INVS: variants seen among roughly 807,000 people sequenced by gnomAD.
The protein encoded by INVS is inversion of embryo turning homolog.
Under a neutral mutation model 108.8 loss-of-function variants are expected in INVS, and 86 were observed. That is an observed-to-expected ratio of 0.79 (90% CI 0.66 to 0.95). The LOEUF (loss-of-function observed/expected upper bound fraction) is 0.95. INVS is among the 40% of genes least tolerant of loss of function. The pLI is 0.00. For synonymous variants in INVS, 455 were observed against 473.5 expected, an observed-to-expected ratio of 0.96 and a Z score of 0.51; for missense variants, 1,169 against 1,297.4, an observed-to-expected ratio of 0.90 and a Z score of 1.52.
chr9:100,296,796 C>A, intron 14 of INVS, 121 bp from the exon 15 acceptor site: 1 of 784,208 alleles, frequency 1.3e-6, no homozygotes, highest in Non-Finnish European at 2.2e-6. Flanking sequence ...GGAATGGGAG[C>A]TTGAATGAAC....
chr9:100,215,933 A>G (rs1414416598), intron 3 of INVS, among the ~76,000 whole-genome samples: 1 of 152,152 alleles, frequency 6.6e-6, no homozygotes, highest in East Asian at 1.9e-4. Flanking sequence ...TGAAAAACAT[A>G]CCTTTTACTT....
chr9:100,101,098 C>T (rs80009714), intron 1 of INVS, among the ~76,000 whole-genome samples: 1,559 of 128,842 alleles, frequency 0.012, 31 homozygotes, highest in African/African-American at 0.045. Flanking sequence ...ATATATAAAA[C>T]AGAGATCACA....
At chr9:100,182,558 C>G (rs1829923839) in intron 3 of INVS, among the ~76,000 whole-genome samples, 1 of 152,108 alleles carries the variant, frequency 6.6e-6, no homozygotes, top group African/African-American at 2.4e-5. Context: ...TAGAGAAATG[C>G]AAATTAAAAC....
rs143388166 is a variant in INVS at position 100,285,431 on chromosome 9, T to A, written c.2068+828T>A. ...CATGGCTTTTTGCAGTTTATCCTATTTAGAGTTTACTTGTGTGTCAGGGAT... is the reference window on the plus strand; with the variant it reads ...CATGGCTTTTTGCAGTTTATCCTATATAGAGTTTACTTGTGTGTCAGGGAT... On this transcript the variant is annotated intron_variant, in intron 13 of 16. Transcript: ENST00000262457. Among the ~76,000 whole-genome samples the A allele has an allele frequency of 7.2e-5, 11 of 152,322 alleles. No homozygotes were observed. The East Asian group carries it at 1.3e-3, about 19-fold the overall frequency.
rs146393595 is a variant in INVS at position 100,276,277 on chromosome 9, T to A, written c.1784+3201T>A. 4.7e-4 allele frequency among the ~76,000 whole-genome samples: 71 copies of A among 152,358 alleles called. 1 individual carries two copies. In the East Asian group the frequency reaches 0.012, roughly 25 times the overall value. On this transcript the variant is annotated intron_variant, in intron 12 of 16. Transcript: ENST00000262457. ...ACTGGGCATTTCTGCTATGCTTTTG[T>A]CACTTGCCAACACTTTAGATCATTG... is the stretch of plus-strand genomic sequence containing the variant.
At chr9:100,291,082 T>C (rs1206706223) in intron 13 of INVS, among the ~76,000 whole-genome samples, 1 of 151,536 alleles carries the variant, frequency 6.6e-6, no homozygotes, top group Non-Finnish European at 1.5e-5. Context: ...TTTTTTTTTT[T>C]TCAGACGGAG....
At chr9:100,141,865 T>C (rs956552401) in intron 3 of INVS, among the ~76,000 whole-genome samples, 3 of 152,154 alleles carry the variant, frequency 2.0e-5, no homozygotes, top group African/African-American at 7.2e-5. Context: ...GGTTATGAAA[T>C]GACGACAGAA....
At position 100,292,816 on chromosome 9, in the gene INVS, G is replaced by A; in HGVS notation, c.2559G>A (p.Glu853=). 1.2e-6 allele frequency: 2 copies of A among 1,614,146 alleles called. No individual in the cohort carries two copies. The highest frequency in any genetic ancestry group is 8.5e-7 in the Non-Finnish European group (1 of 1,180,024). ...GLYSHLPQST[E]ELRSGARRLE... is the part of the protein sequence containing the mutation. ...ATTCACATTTGCCACAGAGCACAGA[G>A]GAGTTGAGGTCAGGAGCTAGGAGGC... Residue 853 remains glutamate (E), a synonymous_variant, in exon 14 of 17, where the codon GAG becomes GAA. Transcript: ENST00000262457.
intron 3 of INVS, among the ~76,000 whole-genome samples, chr9:100,133,806 T>G (rs201933221): frequency 4.5e-5 from 3 of 66,692 alleles, no homozygotes; most frequent in Non-Finnish European, 6.5e-5. Flanking sequence ...CACACACACA[T>G]ACACACATCC....
rs1289228389 is a variant in INVS at position 100,229,758 on chromosome 9, C to G, written c.546C>G (p.Gly182=). The change falls in exon 5 of 17, where the codon GGC becomes GGG. Residue 182 remains glycine (G), a synonymous_variant. Transcript: ENST00000262457. The stretch of plus-strand genomic sequence containing the variant: ...ACATTGGGATTCCTGATGTTGAAGG[C>G]AAGATCCCACTTCACTGGGCAGCCA... ...DSNIGIPDVE[G]KIPLHWAANH... is the part of the protein sequence containing the mutation. 8 of 1,614,096 alleles carry G rather than the reference C, an allele frequency of 5.0e-6. No homozygotes were observed. The highest frequency in any genetic ancestry group is 6.8e-6 in the Non-Finnish European group (8 of 1,179,958).
chr9:100,117,569 C>T (rs997050884), intron 2 of INVS: 9 of 1,060,676 alleles, frequency 8.5e-6, no homozygotes, highest in South Asian at 4.0e-5. Flanking sequence ...GAAGCCACCG[C>T]GGTTCCCCAT....
At chr9:100,119,408 C>G (rs1588014338) in intron 2 of INVS, among the ~76,000 whole-genome samples, 1 of 152,192 alleles carries the variant, frequency 6.6e-6, no homozygotes, top group East Asian at 1.9e-4. Flanking sequence ...AAACAACAAA[C>G]ATTTATTACT....
At chr9:100,270,259 A>G (rs905306610) in intron 11 of INVS, among the ~76,000 whole-genome samples, 2 of 152,122 alleles carry the variant, frequency 1.3e-5, no homozygotes, top group Admixed American at 1.3e-4. Flanking sequence ...GATGATAGCT[A>G]TTTTCCTCTG....
At chr9:100,197,950 C>T (rs1203232836) in intron 3 of INVS, among the ~76,000 whole-genome samples, 1 of 152,122 alleles carries the variant, frequency 6.6e-6, no homozygotes, top group Non-Finnish European at 1.5e-5. Context: ...AGATTGTTTT[C>T]TGAGGCCTGT....
chr9:100,288,916 T>C (rs1833530014), intron 13 of INVS, among the ~76,000 whole-genome samples: 1 of 152,178 alleles, frequency 6.6e-6, no homozygotes, highest in African/African-American at 2.4e-5. Flanking sequence ...GTGTTAGTTA[T>C]TGTGTCCGCC....
chr9:100,234,857 A>G (rs1831628565), intron 5 of INVS, among the ~76,000 whole-genome samples: 1 of 152,048 alleles, frequency 6.6e-6, no homozygotes. Flanking sequence ...TGGGGTGGAG[A>G]GTTCTGTAGA....
intron 3 of INVS, among the ~76,000 whole-genome samples, chr9:100,129,412 C>T (rs899571184): frequency 6.6e-6 from 1 of 151,866 alleles, no homozygotes; most frequent in Non-Finnish European, 1.5e-5. Flanking sequence ...GTGGAAGGGT[C>T]GCTTGAGCCT....
In INVS at chr9:100,302,042, A is replaced by G. The variant is rs554677331; in HGVS notation, c.*1368A>G. ...TACACATCAATAGGAACGCCCAAAC[A>G]TTATTTTCATATATCAGTGCAAAGA... On this transcript the variant is annotated 3_prime_UTR_variant, in exon 17 of 17. Transcript: ENST00000262457. 6 of 517,060 alleles carry G rather than the reference A, an allele frequency of 1.2e-5. No homozygotes were observed. The highest frequency in any genetic ancestry group is 5.9e-5 in the East Asian group (2 of 34,064). 32.0% of individuals were successfully genotyped at this position (517,060 alleles called of 1,614,324 possible).
At chr9:100,153,805 G>A (rs1163469636) in intron 3 of INVS, among the ~76,000 whole-genome samples, 2 of 152,156 alleles carry the variant, frequency 1.3e-5, no homozygotes, top group Non-Finnish European at 2.9e-5. Flanking sequence ...GGAAAAGGGG[G>A]ACCAAACTCA....
Sources: gnomAD v4.1 joint callset for allele counts (sites outside exome capture counted in the v4.1 genomes callset) on GRCh38, gnomAD v4.1.1 for gene constraint, MANE v1.5 for transcripts, NCBI Gene and HGNC (gene_info 2026-07-23, HGNC 2026-07-21) for gene names.